Variants in BCAS3 observed in about 807,000 individuals in gnomAD.
BCAS3 encodes the protein BCAS3 microtubule associated cell migration factor.
BCAS3 carries 53 observed loss-of-function variants against 116.1 expected under a neutral mutation model. The observed-to-expected ratio is 0.46, with a 90% CI of 0.37 to 0.57. The LOEUF is 0.57. BCAS3 is among the 20% of genes least tolerant of loss of function. BCAS3 has a pLI of 0.00. For missense variants in BCAS3, 917 were observed against 1,165.4 expected (o/e 0.79, Z 3.10); for synonymous variants, 391 against 408.2 (o/e 0.96, Z 0.51).
intron 22 of BCAS3, among the ~76,000 whole-genome samples, chr17:61,351,821 G>C (rs900520918): frequency 1.3e-5 from 2 of 152,202 alleles, no homozygotes; most frequent in African/African-American, 4.8e-5. Context: ...GTAGCTCCAA[G>C]GGCAGGAGTG....
At chr17:61,170,684 A>G (rs1213725762) in intron 22 of BCAS3, among the ~76,000 whole-genome samples, 1 of 152,206 alleles carries the variant, frequency 6.6e-6, no homozygotes, top group Non-Finnish European at 1.5e-5. Flanking sequence ...GAGCCCTGCA[A>G]TTGTCAGAGC....
rs1363858465 is a variant in BCAS3 at position 61,162,120 on chromosome 17, C to T, written c.2425+77556C>T. On this transcript the variant is annotated intron_variant, in intron 22 of 23. Transcript: ENST00000407086. This position sits in a 1 kb window ranked among gnomAD's most constrained non-coding sequence, Gnocchi z 5.6. ...GTTTTACTACCCCAAATGAAATGTA[C>T]GTATCCTGGTCCTGCACCATGTTTT... Among the ~76,000 whole-genome samples the T allele has an allele frequency of 2.0e-5, 3 of 152,112 alleles. No individual in the cohort carries two copies. The highest frequency in any genetic ancestry group is 4.8e-5 in the African/African-American group (2 of 41,416).
At chr17:60,796,836 T>C (rs1176711811) in intron 6 of BCAS3, among the ~76,000 whole-genome samples, 1 of 152,206 alleles carries the variant, frequency 6.6e-6, no homozygotes, top group Non-Finnish European at 1.5e-5. Context: ...GGCTTTTTGA[T>C]GTAGGCATTT....
chr17:61,172,854 G>A (rs919766337), intron 22 of BCAS3, among the ~76,000 whole-genome samples: 3 of 151,554 alleles, frequency 2.0e-5, no homozygotes, highest in Admixed American at 6.6e-5. Context: ...CGGGCGTGGC[G>A]GTGGGCACCT....
intron 17 of BCAS3, chr17:61,036,117 T>C (rs1301323238): frequency 6.6e-6 from 1 of 152,222 alleles, no homozygotes; most frequent in African/African-American, 2.4e-5. Context: ...TGCTTCTGTT[T>C]AGAAGAGAAT....
At chr17:61,274,754 C>A (rs1227615548) in intron 22 of BCAS3, among the ~76,000 whole-genome samples, 1 of 152,142 alleles carries the variant, frequency 6.6e-6, no homozygotes, top group Non-Finnish European at 1.5e-5. Context: ...AGCTAGTGCA[C>A]TAAGGAAAAA....
At chr17:61,269,367 G>A (rs956209376) in intron 22 of BCAS3, among the ~76,000 whole-genome samples, 3 of 151,636 alleles carry the variant, frequency 2.0e-5, no homozygotes, top group Non-Finnish European at 4.4e-5. Flanking sequence ...CACCTGCCTC[G>A]ACTTCCCAAA....
chr17:61,287,051 A>G (rs897262935), intron 22 of BCAS3, among the ~76,000 whole-genome samples: 1 of 151,790 alleles, frequency 6.6e-6, no homozygotes, highest in African/African-American at 2.4e-5. Flanking sequence ...GATCGAGACC[A>G]TCCTGGCTAA....
rs7221766 is a variant in BCAS3, at chr17:60,855,039, T to C, written c.477-13537T>C. Among the ~76,000 whole-genome samples, 1,142 of 134,334 alleles carry C rather than the reference T, an allele frequency of 8.5e-3. 16 individuals are homozygous for C. Among genetic ancestry groups the C allele is most frequent in the African/African-American group, 0.03 (1,051 of 34,582 alleles). The allele number at this position is 134,334 out of a possible 152,430, so 88.1% of individuals were successfully genotyped here. A position where few individuals can be genotyped will look rare whatever the true frequency, so the allele number is the denominator to read the frequency against. ...ATCTCAGCTCACTGCAACCTCTGCC[T>C]CCCAGGTTCAAGCGATTCTCCTGCC... On this transcript the variant is annotated intron_variant, in intron 7 of 23. Transcript: ENST00000407086.
intron 6 of BCAS3, among the ~76,000 whole-genome samples, chr17:60,783,166 AG>A (rs2045975944): frequency 6.6e-6 from 1 of 152,148 alleles, no homozygotes; most frequent in African/African-American, 2.4e-5. Context: ...GTGTTAATGT[AG>A]GTTCATCAGT....
intron 22 of BCAS3, among the ~76,000 whole-genome samples, chr17:61,092,808 C>T (rs1200154949): frequency 6.7e-6 from 1 of 148,740 alleles, no homozygotes; most frequent in African/African-American, 2.5e-5. Context: ...TTTTCACTTT[C>T]TTAATGGTAT....
intron 7 of BCAS3, among the ~76,000 whole-genome samples, chr17:60,861,306 G>A (rs1242200626): frequency 1.3e-5 from 2 of 152,276 alleles, no homozygotes; most frequent in East Asian, 1.9e-4. Context: ...TATTATCGAT[G>A]TATAGACATG....
chr17:61,272,938 G>A (rs1013355051), intron 22 of BCAS3, among the ~76,000 whole-genome samples: 24 of 151,968 alleles, frequency 1.6e-4, no homozygotes, highest in African/African-American at 4.8e-4. Context: ...ATGCCCTCCT[G>A]TATCCCCTGT....
chr17:61,060,161 C>G (rs1221535187), intron 19 of BCAS3, among the ~76,000 whole-genome samples: 1 of 151,902 alleles, frequency 6.6e-6, no homozygotes, highest in East Asian at 1.9e-4. Context: ...GAGTCTTGCT[C>G]TGTCGCCCAG....
rs937414991 is a variant in BCAS3, at chr17:61,128,115, C to T, written c.2425+43551C>T. ...AAAGTTTGGCTTTTCTTTTAAAGAACCCATTCATTTTAGAGATTCCTTGAT... is the reference window on the plus strand; with the variant it reads ...AAAGTTTGGCTTTTCTTTTAAAGAATCCATTCATTTTAGAGATTCCTTGAT... On this transcript the variant is annotated intron_variant, in intron 22 of 23. Transcript: ENST00000407086. The surrounding 1 kb of genome is among the most constrained non-coding windows in gnomAD (Gnocchi z 4.1). The T allele has an allele frequency of 1.1e-6, 1 of 893,020 alleles. No individual in the cohort carries two copies. Among genetic ancestry groups the T allele is most frequent in the African/African-American group, 1.8e-5 (1 of 55,172 alleles). 55.3% of individuals were successfully genotyped at this position (893,020 alleles called of 1,614,324 possible).
chr17:61,060,083 A>C (rs1355342955), intron 19 of BCAS3, among the ~76,000 whole-genome samples: 1 of 152,154 alleles, frequency 6.6e-6, no homozygotes, highest in Non-Finnish European at 1.5e-5. Context: ...AAAATGGTAT[A>C]CAGTAATGAA....
rs397944612 is a variant in BCAS3 at position 61,151,392 on chromosome 17, CTT to C, written c.2425+66840_2425+66841del. On this transcript the variant is annotated intron_variant, in intron 22 of 23. Coordinates refer to ENST00000407086, the MANE Select transcript of BCAS3 (RefSeq NM_017679.5). The surrounding 1 kb of genome is among the most constrained non-coding windows in gnomAD (Gnocchi z 4.8). ...TACCTCCTCCTCCTGTTTTTTCCTA[CTT>C]TTTTTTTTTTTAACCTGTTAAGGTC... Among the ~76,000 whole-genome samples the C allele has an allele frequency of 3.4e-5, 5 of 144,932 alleles. No homozygotes were observed. The highest frequency in any genetic ancestry group is 2.2e-4 in the South Asian group (1 of 4,564).
intron 4 of BCAS3, among the ~76,000 whole-genome samples, chr17:60,693,004 A>AATCGCTTG (rs1363605987): frequency 6.6e-6 from 1 of 151,902 alleles, no homozygotes; most frequent in East Asian, 1.9e-4. Context: ...TCCCAAGGAG[A>AATCGCTTG]ATCGCTTGAA....
In BCAS3 at chr17:60,988,338, C is replaced by CTTTTT. The variant is rs71148317; in HGVS notation, c.1222-1615_1222-1611dup. ...TTTTCTTTCCTTTTCTTTTCTTTTT[C>CTTTTT]TTTTTTTTTTTTTTTTTTTTTTATG... On this transcript the variant is annotated intron_variant, in intron 14 of 23. Transcript: ENST00000407086. Among the ~76,000 whole-genome samples, 437 of 66,648 alleles carry CTTTTT rather than the reference C, an allele frequency of 6.6e-3. 2 individuals are homozygous for CTTTTT. Among genetic ancestry groups the CTTTTT allele is most frequent in the Middle Eastern group, 0.014 (1 of 70 alleles). The allele number at this position is 66,648 out of a possible 152,430, so 43.7% of individuals were successfully genotyped here. A position where few individuals can be genotyped will look rare whatever the true frequency, so the allele number is the denominator to read the frequency against.
Sources: allele counts gnomAD v4.1 joint callset (sites outside exome capture counted in the v4.1 genomes callset), GRCh38; gene constraint gnomAD v4.1.1; non-coding constraint Gnocchi (gnomAD v3.1); transcripts MANE v1.5; gene names NCBI Gene and HGNC (gene_info 2026-07-23, HGNC 2026-07-21).